The following DYNLT2B variants were observed in gnomAD, a reference collection of about 807,000 sequenced individuals.
DYNLT2B encodes dynein light chain Tctex-type 2B.
In DYNLT2B, 14 loss-of-function variants were observed where a neutral mutation model predicts 19.5. That is an observed-to-expected ratio of 0.72 (90% CI 0.47 to 1.12). The LOEUF (loss-of-function observed/expected upper bound fraction) is 1.12. DYNLT2B is among the 50% of genes most tolerant of loss of function. The probability of loss-of-function intolerance (pLI) is 0.00; values close to 1 mark genes in which losing one functional copy is unlikely to be tolerated. For synonymous variants in DYNLT2B, 70 were observed against 59.7 expected, an observed-to-expected ratio of 1.17 and a Z score of -0.79; for missense variants, 133 against 174.7, an observed-to-expected ratio of 0.76 and a Z score of 1.35.
rs1018363075 is a variant in DYNLT2B, at chr3:196,318,214, C to G, written c.-62G>C. The G allele has an allele frequency of 3.1e-5, 31 of 1,002,764 alleles. No individual in the cohort carries two copies. The African/African-American group carries it at 4.9e-4, about 16-fold the overall frequency. The allele number at this position is 1,002,764 out of a possible 1,614,324, so 62.1% of individuals were successfully genotyped here. The stretch of plus-strand genomic sequence containing the variant: ...AGGCCTAGCGGGTTGCGGTCGCGGC[C>G]GGCAGCAGGGAAAGCGTCTCCAGGG... On this transcript the variant is annotated 5_prime_UTR_variant, in exon 1 of 5. Coordinates refer to ENST00000325318, the MANE Select transcript of DYNLT2B (RefSeq NM_152773.5).
chr3:196,294,379 G>A (rs1726171837), intron 4 of DYNLT2B, among the ~76,000 whole-genome samples: 1 of 152,080 alleles, frequency 6.6e-6, no homozygotes, highest in Non-Finnish European at 1.5e-5. Context: ...TAAAACCTTG[G>A]TGAGACCATA....
chr3:196,316,216 C>G lies in DYNLT2B; in HGVS notation c.129G>C (p.Val43=). The part of the protein sequence containing the change: ...PVFQQRFRPS[V]VKDCIHAVLK... ...GCACAGCATGGATACAGTCTTTAAC[C>G]ACAGAGGGCCTGAACCTGAATGGAA... Residue 43 remains valine, a synonymous_variant, in exon 2 of 5, where the codon GTG becomes GTC. Transcript: ENST00000325318. 6.2e-7 allele frequency: 1 copy of G among 1,610,908 alleles called. No individual in the cohort carries two copies. Among genetic ancestry groups the G allele is most frequent in the Non-Finnish European group, 8.5e-7 (1 of 1,178,536 alleles).
At chr3:196,291,618 A>C (rs1726098692) in intron 4 of DYNLT2B, among the ~76,000 whole-genome samples, 1 of 152,160 alleles carries the variant, frequency 6.6e-6, no homozygotes, top group Non-Finnish European at 1.5e-5. Flanking sequence ...AGCTAGGACC[A>C]CAGGTGCCTG....
chr3:196,315,513 A>G (rs112575248), intron 2 of DYNLT2B, among the ~76,000 whole-genome samples: 47,899 of 150,950 alleles, frequency 0.32, 8,653 homozygotes, highest in East Asian at 0.82. Context: ...CACCCGCCTC[A>G]GCCTCCCAAA....
intron 3 of DYNLT2B, among the ~76,000 whole-genome samples, chr3:196,302,889 T>C (rs545382742): frequency 2.6e-5 from 4 of 151,986 alleles, no homozygotes; most frequent in African/African-American, 9.6e-5. Flanking sequence ...ACTTAATTTA[T>C]AGTTTAAAAC....
intron 3 of DYNLT2B, 72 bp from the exon 4 acceptor site, chr3:196,296,141 AAC>A (rs1399227930): frequency 3.9e-6 from 5 of 1,281,616 alleles, no homozygotes; most frequent in Non-Finnish European, 4.6e-6. Context: ...TGCCACGAGA[AAC>A]AGTGTTCCTT....
chr3:196,313,706 T>C (rs564902737), intron 2 of DYNLT2B, among the ~76,000 whole-genome samples: 5 of 152,212 alleles, frequency 3.3e-5, no homozygotes, highest in Non-Finnish European at 7.3e-5. Context: ...CTATTCTTTG[T>C]ACTTTTCTGT....
In DYNLT2B at chr3:196,318,109, A is replaced by T. The variant is rs752037300; in HGVS notation, c.44T>A (p.Val15Glu). The change falls in exon 1 of 5, where the codon GTG becomes GAG. Residue 15 changes from valine to glutamate, a missense_variant. Coordinates refer to ENST00000325318, the MANE Select transcript of DYNLT2B (RefSeq NM_152773.5). ...IGVSFSVGDG[V>E]PEAEKNAGEP... ...CCCTGCGTTCTTCTCAGCCTCAGGC[A>T]CCCCGTCGCCCACCGAGAAGGACAC... 5 of 1,476,330 alleles carry T rather than the reference A, an allele frequency of 3.4e-6. No individual in the cohort carries two copies. Among genetic ancestry groups the T allele is most frequent in the Non-Finnish European group, 2.7e-6 (3 of 1,118,628 alleles). The allele number at this position is 1,476,330 out of a possible 1,614,324, so 91.5% of individuals were successfully genotyped here. A position where few individuals can be genotyped will look rare whatever the true frequency, so the allele number is the denominator to read the frequency against.
At chr3:196,315,195 T>C (rs1726747110) in intron 2 of DYNLT2B, 3 of 425,296 alleles carry the variant, frequency 7.1e-6, no homozygotes, top group South Asian at 5.1e-5. Flanking sequence ...GAAAAAGTTG[T>C]CTTTAATAGA....
rs1726945164 is a variant in DYNLT2B, at chr3:196,318,178, G to A, written c.-26C>T. 3 of 1,402,138 alleles carry A rather than the reference G, an allele frequency of 2.1e-6. No individual in the cohort carries two copies. Among genetic ancestry groups the A allele is most frequent in the East Asian group, 2.8e-5 (1 of 35,496 alleles). 86.9% of individuals were successfully genotyped at this position (1,402,138 alleles called of 1,614,324 possible). ...GCCGGGGCTTCTCGGTCCGGGCGTAGCTCGCGATGAAGGCCTAGCGGGTTG... is the reference window on the plus strand; with the variant it reads ...GCCGGGGCTTCTCGGTCCGGGCGTAACTCGCGATGAAGGCCTAGCGGGTTG... On this transcript the variant is annotated 5_prime_UTR_variant, in exon 1 of 5. Coordinates refer to ENST00000325318, the MANE Select transcript of DYNLT2B (RefSeq NM_152773.5).
chr3:196,307,014 T>C lies in DYNLT2B; in HGVS notation c.248-2A>G. ...TTTTGTATCGGTCAAATCCCATTTC[T>C]AGAAAGAAAAAATAAGGTTATTTAT... On this transcript the variant is annotated splice_acceptor_variant, in intron 2 of 4. Coordinates refer to ENST00000325318, the MANE Select transcript of DYNLT2B (RefSeq NM_152773.5). LOFTEE classifies it high-confidence loss of function. 1 of 1,612,962 alleles carries C rather than the reference T, an allele frequency of 6.2e-7. No homozygotes were observed. The highest frequency in any genetic ancestry group is 1.3e-5 in the African/African-American group (1 of 74,960).
At chr3:196,295,682 G>A (rs991573011) in intron 4 of DYNLT2B, among the ~76,000 whole-genome samples, 5 of 152,242 alleles carry the variant, frequency 3.3e-5, no homozygotes, top group African/African-American at 1.2e-4. Flanking sequence ...AGGATTATCA[G>A]GATTGAGTTT....
intron 2 of DYNLT2B, among the ~76,000 whole-genome samples, chr3:196,314,072 T>C (rs1364576509): frequency 6.6e-6 from 1 of 152,028 alleles, no homozygotes; most frequent in East Asian, 1.9e-4. Context: ...GACTCCAGCC[T>C]GGGCAACAAC....
chr3:196,305,175 C>G (rs185346800), intron 3 of DYNLT2B, among the ~76,000 whole-genome samples: 2 of 151,952 alleles, frequency 1.3e-5, no homozygotes, highest in African/African-American at 4.8e-5. Context: ...TGAGCCACCA[C>G]GCCCGGCCCT....
At position 196,296,057 on chromosome 3, in the gene DYNLT2B, G is replaced by A; in HGVS notation, c.330C>T (p.Arg110=). Reference sequence around the variant, plus strand: ...TGTCAGTGTCAGCATCCCAGAAACAGCGAGAAGCCATGCTAAAAAATCCAA... The same window carrying A: ...TGTCAGTGTCAGCATCCCAGAAACAACGAGAAGCCATGCTAAAAAATCCAA... ...QRGEGVFMAS[R]CFWDADTDNY... Residue 110 remains arginine (R), a synonymous_variant, in exon 4 of 5, where the codon CGC becomes CGT. Transcript: ENST00000325318. The A allele has an allele frequency of 2.5e-6, 4 of 1,613,892 alleles. No individual in the cohort carries two copies. Among genetic ancestry groups the A allele is most frequent in the Non-Finnish European group, 3.4e-6 (4 of 1,179,854 alleles).
At chr3:196,301,664 G>C in intron 3 of DYNLT2B, among the ~76,000 whole-genome samples, 1 of 152,120 alleles carries the variant, frequency 6.6e-6, no homozygotes, top group East Asian at 1.9e-4. Context: ...AGTGAGCAGA[G>C]ATGGCGCCAC....
chr3:196,304,897 T>A (rs754325076), intron 3 of DYNLT2B, among the ~76,000 whole-genome samples: 18 of 152,058 alleles, frequency 1.2e-4, no homozygotes, highest in Non-Finnish European at 2.5e-4. Flanking sequence ...TACCTACCTA[T>A]CTGAGGCAGG....
chr3:196,304,392 C>T (rs1299733686), intron 3 of DYNLT2B, among the ~76,000 whole-genome samples: 3 of 152,130 alleles, frequency 2.0e-5, no homozygotes, highest in Non-Finnish European at 4.4e-5. Flanking sequence ...CTCGGTCCCC[C>T]AAAGGGCTGA....
intron 3 of DYNLT2B, among the ~76,000 whole-genome samples, chr3:196,306,298 C>T (rs1468982181): frequency 7.1e-6 from 1 of 141,508 alleles, no homozygotes; most frequent in Admixed American, 7.0e-5. Flanking sequence ...TGTGGTGGTG[C>T]ACACCTGCAG....
Sources: gnomAD v4.1 joint callset for allele counts (sites outside exome capture counted in the v4.1 genomes callset) on GRCh38, gnomAD v4.1.1 for gene constraint, MANE v1.5 for transcripts, NCBI Gene and HGNC (gene_info 2026-07-23, HGNC 2026-07-21) for gene names.